The following TMEM108 variants were observed in gnomAD, a reference collection of about 807,000 sequenced individuals.
TMEM108 encodes transmembrane protein 108.
A neutral mutation model predicts 35.1 loss-of-function variants in TMEM108; 12 were observed. The observed-to-expected ratio is 0.34, with a 90% CI of 0.22 to 0.55. TMEM108 has a LOEUF of 0.55. Among genes scored for constraint, TMEM108 ranks in the 20% least tolerant of loss-of-function variants. The pLI, the probability that TMEM108 is intolerant of heterozygous loss-of-function variation, is 0.89. For missense variants in TMEM108, 680 were observed against 753.3 expected, an observed-to-expected ratio of 0.90 and a Z score of 1.14; for synonymous variants, 287 against 308.6, an observed-to-expected ratio of 0.93 and a Z score of 0.73.
At chr3:133,369,640 A>G (rs2072599721) in intron 3 of TMEM108, among the ~76,000 whole-genome samples, 1 of 152,242 alleles carries the variant, frequency 6.6e-6, no homozygotes, top group Non-Finnish European at 1.5e-5. Flanking sequence ...AGACAGATAA[A>G]GCAAGTCTTA....
chr3:133,352,568 A>G (rs1184410668), intron 3 of TMEM108, among the ~76,000 whole-genome samples: 1 of 152,216 alleles, frequency 6.6e-6, no homozygotes, highest in Non-Finnish European at 1.5e-5. Flanking sequence ...AGAGGTTCCC[A>G]CAACCCCTTC....
intron 3 of TMEM108, among the ~76,000 whole-genome samples, chr3:133,356,979 T>C (rs1485462799): frequency 6.6e-6 from 1 of 152,082 alleles, no homozygotes; most frequent in Non-Finnish European, 1.5e-5. Flanking sequence ...CTAATTAAAC[T>C]AAAAAGCTTC....
chr3:133,282,265 C>T (rs1292347610), intron 3 of TMEM108, among the ~76,000 whole-genome samples: 4 of 152,218 alleles, frequency 2.6e-5, no homozygotes, highest in East Asian at 3.8e-4. Context: ...TTCTGCCAAA[C>T]GTACTTTTGC....
chr3:133,088,413 G>C (rs763679970), intron 2 of TMEM108, among the ~76,000 whole-genome samples: 1 of 152,176 alleles, frequency 6.6e-6, no homozygotes, highest in Non-Finnish European at 1.5e-5. Flanking sequence ...GAGTGAAAGT[G>C]ATATAACATT....
chr3:133,115,886 A>T (rs1390621355), intron 2 of TMEM108, among the ~76,000 whole-genome samples: 1 of 152,180 alleles, frequency 6.6e-6, no homozygotes, highest in Non-Finnish European at 1.5e-5. Flanking sequence ...CAAAGGATAG[A>T]ATCATTGCCA....
intron 3 of TMEM108, among the ~76,000 whole-genome samples, chr3:133,358,331 C>A (rs541438721): frequency 6.6e-6 from 1 of 152,166 alleles, no homozygotes; most frequent in East Asian, 1.9e-4. Flanking sequence ...ACCACTACGC[C>A]TGGCTAATTT....
At chr3:133,231,017 A>G (rs368142100) in intron 3 of TMEM108, among the ~76,000 whole-genome samples, 7 of 152,164 alleles carry the variant, frequency 4.6e-5, no homozygotes, top group African/African-American at 1.7e-4. Flanking sequence ...AGTGGCCCTC[A>G]CTAAACCACC....
At chr3:133,163,267 C>A (rs1201241656) in intron 2 of TMEM108, among the ~76,000 whole-genome samples, 2 of 152,148 alleles carry the variant, frequency 1.3e-5, no homozygotes, top group African/African-American at 2.4e-5. Context: ...CTCCATCCCC[C>A]CTAGAGTAAA....
At chr3:133,316,589 A>G (rs1323030860) in intron 3 of TMEM108, among the ~76,000 whole-genome samples, 1 of 152,220 alleles carries the variant, frequency 6.6e-6, no homozygotes, top group East Asian at 1.9e-4. Flanking sequence ...GGGAGAGGAG[A>G]AAGATTTAAA....
chr3:133,343,404 A>C (rs1279467767), intron 3 of TMEM108, among the ~76,000 whole-genome samples: 1 of 151,916 alleles, frequency 6.6e-6, no homozygotes, highest in Non-Finnish European at 1.5e-5. Context: ...TTCTACAAAA[A>C]CTTGCATGTG....
chr3:133,127,758 T>C (rs2107740483), intron 2 of TMEM108, among the ~76,000 whole-genome samples: 1 of 152,384 alleles, frequency 6.6e-6, no homozygotes, highest in Non-Finnish European at 1.5e-5. Flanking sequence ...TTGGCCTTAA[T>C]TTCTATGATA....
chr3:133,118,168 T>C (rs1944310719), intron 2 of TMEM108, among the ~76,000 whole-genome samples: 1 of 152,166 alleles, frequency 6.6e-6, no homozygotes, highest in Non-Finnish European at 1.5e-5. Flanking sequence ...CTCTGACTTC[T>C]GGGGACTGGC....
chr3:133,157,213 C>G (rs1944894672), intron 2 of TMEM108, among the ~76,000 whole-genome samples: 1 of 152,124 alleles, frequency 6.6e-6, no homozygotes, highest in Non-Finnish European at 1.5e-5. Context: ...AGATGTTGGC[C>G]TCAACCCAGT....
At chr3:133,321,762 C>G (rs1309390720) in intron 3 of TMEM108, among the ~76,000 whole-genome samples, 1 of 152,076 alleles carries the variant, frequency 6.6e-6, no homozygotes, top group East Asian at 1.9e-4. Context: ...TTCTCCAAGA[C>G]AGACCATATG....
At chr3:133,237,127 C>T (rs1946250123) in intron 3 of TMEM108, among the ~76,000 whole-genome samples, 1 of 151,966 alleles carries the variant, frequency 6.6e-6, no homozygotes, top group Admixed American at 6.6e-5. Flanking sequence ...GGTCAGGAAT[C>T]TGCATATTTC....
chr3:133,354,521 TA>T (rs2072103658), intron 3 of TMEM108, among the ~76,000 whole-genome samples: 1 of 152,212 alleles, frequency 6.6e-6, no homozygotes. Context: ...GGCATTTTTA[TA>T]TTGGATTCTT....
chr3:133,156,069 T>C (rs1482984788), intron 2 of TMEM108, among the ~76,000 whole-genome samples: 1 of 150,340 alleles, frequency 6.7e-6, no homozygotes, highest in Non-Finnish European at 1.5e-5. Flanking sequence ...TTTTCTTTTA[T>C]TTATTTATTT....
At chr3:133,139,237 C>G (rs747685088) in intron 2 of TMEM108, among the ~76,000 whole-genome samples, 5 of 152,100 alleles carry the variant, frequency 3.3e-5, no homozygotes, top group Non-Finnish European at 7.4e-5. Flanking sequence ...GTGCATGTGT[C>G]TTTATAGTAG....
At chr3:133,372,033 A>G (rs1576516733) in intron 3 of TMEM108, among the ~76,000 whole-genome samples, 2 of 152,246 alleles carry the variant, frequency 1.3e-5, no homozygotes, top group African/African-American at 4.8e-5. Context: ...GAATTCTCAG[A>G]TGAGTTCTAG....
Sources: allele counts gnomAD v4.1 joint callset (sites outside exome capture counted in the v4.1 genomes callset), GRCh38; gene constraint gnomAD v4.1.1; transcripts MANE v1.5; gene names NCBI Gene and HGNC (gene_info 2026-07-23, HGNC 2026-07-21).